SUMF1: variants seen among roughly 807,000 people sequenced by gnomAD.
The protein encoded by SUMF1 is formylglycine-generating enzyme.
SUMF1 carries 48 observed loss-of-function variants against 47.6 expected under a neutral mutation model. The observed-to-expected ratio is 1.01, with a 90% CI of 0.80 to 1.28. The LOEUF (loss-of-function observed/expected upper bound fraction) is 1.28. SUMF1 is among the 50% of genes most tolerant of loss of function. The pLI, the probability that SUMF1 is intolerant of heterozygous loss-of-function variation, is 0.00. For missense variants in SUMF1, 571 were observed against 485.4 expected (o/e 1.18, Z -1.66); for synonymous variants, 230 against 192.1 (o/e 1.20, Z -1.63).
intron 8 of SUMF1, among the ~76,000 whole-genome samples, chr3:4,125,450 T>C (rs950223024): frequency 6.6e-6 from 1 of 152,136 alleles, no homozygotes; most frequent in Admixed American, 6.5e-5. Flanking sequence ...CCAATAGACA[T>C]CAATCTATAC....
intron 8 of SUMF1, among the ~76,000 whole-genome samples, chr3:4,366,293 A>T (rs1444691134): frequency 6.6e-6 from 1 of 152,140 alleles, no homozygotes; most frequent in Non-Finnish European, 1.5e-5. Context: ...GTTCTCCTGG[A>T]TAATAACCTG....
chr3:4,263,701 C>A (rs556476476), intron 8 of SUMF1, among the ~76,000 whole-genome samples: 2 of 152,298 alleles, frequency 1.3e-5, no homozygotes, highest in African/African-American at 4.8e-5. Flanking sequence ...ACCACATTTT[C>A]TAGGAAATAT....
At chr3:4,277,035 C>T (rs987835750) in intron 8 of SUMF1, among the ~76,000 whole-genome samples, 2 of 152,112 alleles carry the variant, frequency 1.3e-5, no homozygotes, top group Admixed American at 1.3e-4. Flanking sequence ...ATCTGGAAGA[C>T]TTTGGAGATA....
At chr3:4,337,665 G>T (rs2125136026) in intron 8 of SUMF1, among the ~76,000 whole-genome samples, 1 of 152,196 alleles carries the variant, frequency 6.6e-6, no homozygotes, top group East Asian at 1.9e-4. Flanking sequence ...AAGCATTTGT[G>T]CATAGTAGGT....
rs75455529 is a variant in SUMF1, at chr3:4,066,173, C to A, written c.1191+2396G>T. Among the ~76,000 whole-genome samples, 1,036 of 151,866 alleles carry A rather than the reference C, an allele frequency of 6.8e-3. 9 individuals are homozygous for A. The highest frequency in any genetic ancestry group is 0.016 in the Admixed American group (244 of 15,224). ...CCCCCAGCAACACTCCCCCAGGAAC[C>A]CTCCCCCATCATTTACTGTTATTTT... On this transcript the variant is annotated intron_variant and NMD_transcript_variant, in intron 9 of 12. Coordinates refer to the SUMF1 transcript ENST00000448413.
At chr3:4,056,204 T>G (rs1344688798) in intron 9 of SUMF1, among the ~76,000 whole-genome samples, 2 of 152,144 alleles carry the variant, frequency 1.3e-5, no homozygotes, top group Admixed American at 6.6e-5. Context: ...TTAGGGACCA[T>G]TATTCTGCCT....
chr3:4,220,651 A>G (rs1308324205), intron 8 of SUMF1, among the ~76,000 whole-genome samples: 1 of 152,064 alleles, frequency 6.6e-6, no homozygotes, highest in Admixed American at 6.6e-5. Context: ...TGCTAAAATC[A>G]TATCACCCTA....
intron 8 of SUMF1, among the ~76,000 whole-genome samples, chr3:4,290,658 T>C (rs1697722992): frequency 6.6e-6 from 1 of 152,198 alleles, no homozygotes; most frequent in African/African-American, 2.4e-5. Flanking sequence ...ACCTTCTAAA[T>C]CAAACTTATC....
chr3:4,179,249 C>G (rs910823163), intron 8 of SUMF1, among the ~76,000 whole-genome samples: 2 of 152,092 alleles, frequency 1.3e-5, no homozygotes, highest in African/African-American at 4.8e-5. Context: ...GCAAAAAGAA[C>G]AAAGCTGGAG....
At chr3:4,437,498 T>A (rs938580618) in intron 3 of SUMF1, among the ~76,000 whole-genome samples, 2 of 152,076 alleles carry the variant, frequency 1.3e-5, no homozygotes, top group African/African-American at 4.8e-5. Context: ...AAGAATAAGA[T>A]GGTAGAATTA....
intron 8 of SUMF1, among the ~76,000 whole-genome samples, chr3:4,086,561 C>T (rs1006474524): frequency 1.3e-5 from 2 of 152,088 alleles, no homozygotes; most frequent in Admixed American, 1.3e-4. Context: ...GAGACAAAAT[C>T]ACCTGCTCTG....
chr3:4,467,166 A>C lies in SUMF1; in HGVS notation c.80T>G (p.Leu27Arg). The C allele has an allele frequency of 6.2e-7, 1 of 1,605,610 alleles. No individual in the cohort carries two copies. Among genetic ancestry groups the C allele is most frequent in the Non-Finnish European group, 8.5e-7 (1 of 1,176,960 alleles). The change falls in exon 1 of 9, where the codon CTG becomes CGG. Residue 27 changes from leucine (L) to arginine (R), a missense_variant. Leu to Arg is a moderately radical substitution (Grantham distance 102). Coordinates refer to ENST00000272902, the MANE Select transcript of SUMF1 (RefSeq NM_182760.4). The part of the protein sequence containing the change: ...GLVLLLLLLS[L>R]LCGAAGSQEA... ...CTGGCTCCCTGCCGCTCCACACAGC[A>C]GCGAGAGCAGCAGCAGCAAGAGGAC...
intron 8 of SUMF1, among the ~76,000 whole-genome samples, chr3:4,100,180 G>T (rs1424335398): frequency 6.6e-6 from 1 of 150,622 alleles, no homozygotes; most frequent in East Asian, 1.9e-4. Flanking sequence ...CACAGAAATC[G>T]AAAAAAAATC....
At chr3:4,391,533 G>A (rs1400845735) in intron 7 of SUMF1, among the ~76,000 whole-genome samples, 3 of 152,156 alleles carry the variant, frequency 2.0e-5, no homozygotes, top group African/African-American at 7.2e-5. Context: ...ACCCAGGCTG[G>A]AGTGTATTGC....
At chr3:4,143,124 G>C (rs563420357) in intron 8 of SUMF1, among the ~76,000 whole-genome samples, 1 of 152,212 alleles carries the variant, frequency 6.6e-6, no homozygotes, top group African/African-American at 2.4e-5. Flanking sequence ...TGTTTGCCTC[G>C]GGAGTTTATT....
At position 4,350,040 on chromosome 3, in the gene SUMF1, G is replaced by A. The variant is rs189985987; in HGVS notation, c.1014+26290C>T. ...TTCTGAGATGGAGTCTCGCTCTGTC[G>A]CCCAGGCTGGAGCGCAGTGGCACGA... On this transcript the variant is annotated intron_variant and NMD_transcript_variant, in intron 8 of 12. Coordinates refer to the SUMF1 transcript ENST00000448413. Among the ~76,000 whole-genome samples the A allele has an allele frequency of 6.1e-4, 89 of 146,280 alleles. No homozygotes were observed. The Middle Eastern group carries it at 0.01, about 17-fold the overall frequency.
At chr3:4,131,879 C>T (rs140913410) in intron 8 of SUMF1, among the ~76,000 whole-genome samples, 1 of 152,240 alleles carries the variant, frequency 6.6e-6, no homozygotes, top group Non-Finnish European at 1.5e-5. Flanking sequence ...CCCAGTGGGA[C>T]CATGAACAAA....
chr3:4,205,446 TTA>T (rs1559563674), intron 8 of SUMF1, among the ~76,000 whole-genome samples: 2 of 152,170 alleles, frequency 1.3e-5, no homozygotes. Flanking sequence ...CATGAGACAG[TTA>T]TGTTTTCTGG....
rs571136515 is a variant in SUMF1, at chr3:4,366,671, G to A, written c.1015-4417C>T. 2.0e-5 allele frequency among the ~76,000 whole-genome samples: 3 copies of A among 152,056 alleles called. No homozygotes were observed. In the South Asian group the frequency reaches 6.2e-4, roughly 32 times the overall value. ...TTGCCTTTGGTTTGAATTTCCTCCTGTAGCTCGGAGTAGTTCAATCGTCTG... is the reference window on the plus strand; with the variant it reads ...TTGCCTTTGGTTTGAATTTCCTCCTATAGCTCGGAGTAGTTCAATCGTCTG... On this transcript the variant is annotated intron_variant, in intron 8 of 8. Transcript: ENST00000272902.
Sources: allele counts gnomAD v4.1 joint callset (sites outside exome capture counted in the v4.1 genomes callset), GRCh38; gene constraint gnomAD v4.1.1; transcripts MANE v1.5; gene names NCBI Gene and HGNC (gene_info 2026-07-23, HGNC 2026-07-21).